The following DGKD variants were observed in gnomAD, a reference collection of about 807,000 sequenced individuals.
DGKD encodes the protein DAG kinase delta.
Under a neutral mutation model 154.4 loss-of-function variants are expected in DGKD, and 68 were observed. The ratio of observed to expected loss-of-function variants is 0.44; its 90% confidence interval spans 0.36 to 0.54. The LOEUF is 0.54. Ranked by LOEUF, DGKD falls within the 20% of genes least tolerant of loss-of-function variation. The pLI is 0.00. For synonymous variants in DGKD, 693 were observed against 638.0 expected, an observed-to-expected ratio of 1.09 and a Z score of -1.30; for missense variants, 1,343 against 1,593.6, an observed-to-expected ratio of 0.84 and a Z score of 2.68.
chr2:233,425,226 G>T (rs1016174550), intron 3 of DGKD, among the ~76,000 whole-genome samples: 1 of 151,286 alleles, frequency 6.6e-6, no homozygotes, highest in African/African-American at 2.4e-5. Flanking sequence ...ACACCCTGTC[G>T]CCCAGGCTGG....
At chr2:233,408,804 C>T (rs1411503380) in intron 3 of DGKD, 1 of 152,256 alleles carries the variant, frequency 6.6e-6, no homozygotes, top group Non-Finnish European at 1.5e-5. Context: ...AGGAAGTTAA[C>T]CCAGTGAATT....
chr2:233,427,588 TGCCTCG>T (rs2062355611), intron 3 of DGKD, among the ~76,000 whole-genome samples: 1 of 152,176 alleles, frequency 6.6e-6, no homozygotes, highest in Non-Finnish European at 1.5e-5. Context: ...GTGATCTACC[TGCCTCG>T]GCCTCCCAAA....
At chr2:233,450,558 C>G (rs1240289852) in intron 16 of DGKD, among the ~76,000 whole-genome samples, 1 of 152,196 alleles carries the variant, frequency 6.6e-6, no homozygotes, top group African/African-American at 2.4e-5. Flanking sequence ...GAGGGCACCC[C>G]CAGCCTGTGC....
intron 1 of DGKD, among the ~76,000 whole-genome samples, chr2:233,358,978 C>T (rs577177575): frequency 6.6e-5 from 10 of 152,284 alleles, no homozygotes; most frequent in African/African-American, 1.9e-4. Context: ...AAAAAGCTGC[C>T]GTAACATTTT....
rs1203512099 is a variant in DGKD at position 233,396,934 on chromosome 2, G to GGC, written c.348+6452_348+6453dup. Among the ~76,000 whole-genome samples, 429 of 131,160 alleles carry GGC rather than the reference G, an allele frequency of 3.3e-3. 2 individuals carry two copies. Among genetic ancestry groups the GGC allele is most frequent in the African/African-American group, 0.012 (395 of 33,904 alleles). The allele number at this position is 131,160 out of a possible 152,430, so 86.0% of individuals were successfully genotyped here. A position where few individuals can be genotyped will look rare whatever the true frequency, so the allele number is the denominator to read the frequency against. On this transcript the variant is annotated intron_variant, in intron 3 of 29. Coordinates refer to ENST00000264057, the MANE Select transcript of DGKD (RefSeq NM_152879.3). ...AGAGGGGACCAGCGTGGCTGGGGGGGGCCAGAGCGAGAGGACACCAGAGGG... is the reference window on the plus strand; with the variant it reads ...AGAGGGGACCAGCGTGGCTGGGGGGGGCGCCAGAGCGAGAGGACACCAGAGGG...
intron 3 of DGKD, among the ~76,000 whole-genome samples, chr2:233,425,325 C>T (rs879687721): frequency 4.3e-4 from 65 of 152,022 alleles, no homozygotes; most frequent in South Asian, 8.3e-4. Context: ...TAGCTGGGAC[C>T]ACAGGCGCCC....
At chr2:233,447,228 C>T (rs538841892) in intron 12 of DGKD, among the ~76,000 whole-genome samples, 60 of 152,272 alleles carry the variant, frequency 3.9e-4, no homozygotes, top group South Asian at 8.3e-4. Context: ...CTCTCTGTGG[C>T]GTCTGCAGCT....
intron 3 of DGKD, among the ~76,000 whole-genome samples, chr2:233,393,660 A>G (rs1156800486): frequency 7.0e-6 from 1 of 142,084 alleles, no homozygotes; most frequent in Non-Finnish European, 1.5e-5. Flanking sequence ...TTTCTAATTC[A>G]GTGTCTGTAT....
At chr2:233,464,344 C>T in intron 27 of DGKD, 61 bp downstream of exon 27, 2 of 1,591,832 alleles carry the variant, frequency 1.3e-6, no homozygotes, top group South Asian at 1.1e-5. Flanking sequence ...GCCTGAAGTG[C>T]CTGTGTTCCT....
Position 233,469,468 on chromosome 2 carries a change from CCT to C in DGKD, c.*12_*13del, listed in dbSNP as rs1214285465. ...CCCGCCGTCGAGGCCTAGCCTCTGT[CCT>C]CTCAGCCTGTGGCCTCCACATCCCC... On this transcript the variant is annotated 3_prime_UTR_variant, in exon 30 of 30. Transcript: ENST00000264057. 1.3e-6 allele frequency: 2 copies of C among 1,589,070 alleles called. No individual in the cohort carries two copies. Among genetic ancestry groups the C allele is most frequent in the African/African-American group, 1.3e-5 (1 of 74,520 alleles).
chr2:233,396,246 C>A (rs1409406865), intron 3 of DGKD, among the ~76,000 whole-genome samples: 1 of 152,194 alleles, frequency 6.6e-6, no homozygotes, highest in Non-Finnish European at 1.5e-5. Context: ...TGGGATAGAG[C>A]AAGCCTGATT....
At chr2:233,463,023 C>G (rs1023033696) in intron 26 of DGKD, among the ~76,000 whole-genome samples, 2 of 152,192 alleles carry the variant, frequency 1.3e-5, no homozygotes, top group Non-Finnish European at 2.9e-5. Context: ...GAGTCCTGCT[C>G]CTGCCGAGAG....
At chr2:233,463,262 C>T (rs554848510) in intron 26 of DGKD, among the ~76,000 whole-genome samples, 31 of 151,966 alleles carry the variant, frequency 2.0e-4, no homozygotes, top group Non-Finnish European at 3.4e-4. Context: ...ACGCCACTCA[C>T]CTCCTCACTG....
chr2:233,461,713 G>A (rs1237879312), intron 24 of DGKD, among the ~76,000 whole-genome samples: 4 of 152,286 alleles, frequency 2.6e-5, no homozygotes, highest in Non-Finnish European at 5.9e-5. Flanking sequence ...CAGCACTGCA[G>A]GAAGCTGCTG....
intron 1 of DGKD, among the ~76,000 whole-genome samples, chr2:233,370,236 T>A (rs12621465): frequency 6.6e-6 from 1 of 152,186 alleles, no homozygotes; most frequent in African/African-American, 2.4e-5. Flanking sequence ...ATTTTTTAGA[T>A]ACAGTCTTGC....
At chr2:233,414,021 G>A (rs1186074820) in intron 3 of DGKD, among the ~76,000 whole-genome samples, 2 of 152,172 alleles carry the variant, frequency 1.3e-5, no homozygotes, top group African/African-American at 2.4e-5. Context: ...ATTAGGAAGC[G>A]GGGGTTCTAG....
intron 1 of DGKD, among the ~76,000 whole-genome samples, chr2:233,375,944 T>C (rs903252743): frequency 6.6e-6 from 1 of 152,172 alleles, no homozygotes; most frequent in South Asian, 2.1e-4. Context: ...CGAGTCCCTT[T>C]CACTGTAGTA....
intron 12 of DGKD, 61 bp downstream of exon 12, chr2:233,446,857 C>G (rs1041380852): frequency 3.4e-5 from 54 of 1,583,590 alleles, no homozygotes; most frequent in Non-Finnish European, 4.7e-5. Flanking sequence ...ACTGTCCTGT[C>G]AGCGGTTTGC....
At chr2:233,367,853 T>TTTC (rs1702110778) in intron 1 of DGKD, among the ~76,000 whole-genome samples, 1 of 25,098 alleles carries the variant, frequency 4.0e-5, no homozygotes, top group East Asian at 9.5e-4. Flanking sequence ...TTTTTTTTCT[T>TTTC]TTTTTTTTTT....
Sources: allele counts gnomAD v4.1 joint callset (sites outside exome capture counted in the v4.1 genomes callset), GRCh38; gene constraint gnomAD v4.1.1; transcripts MANE v1.5; gene names NCBI Gene and HGNC (gene_info 2026-07-23, HGNC 2026-07-21).